The following TCAP variants were observed in gnomAD, a reference collection of about 807,000 sequenced individuals.
The protein encoded by TCAP is titin-cap, also known as telethonin.
TCAP carries 14 observed loss-of-function variants against 16.6 expected under a neutral mutation model. The observed-to-expected ratio is 0.84, with a 90% CI of 0.56 to 1.32. The LOEUF (loss-of-function observed/expected upper bound fraction) is 1.32, where lower values mean the gene tolerates loss of function less well. Among genes scored for constraint, TCAP ranks in the 40% most tolerant of loss-of-function variants. The pLI, the probability that TCAP is intolerant of heterozygous loss-of-function variation, is 0.00. For missense variants in TCAP, 212 were observed against 223.5 expected, an observed-to-expected ratio of 0.95 and a Z score of 0.33; for synonymous variants, 97 against 93.2, an observed-to-expected ratio of 1.04 and a Z score of -0.23.
rs1336053922 is a variant in TCAP, at chr17:39,666,423, TGA to T, written c.*316_*317del. 4.2e-6 allele frequency: 2 copies of T among 480,640 alleles called. No individual in the cohort carries two copies. The highest frequency in any genetic ancestry group is 7.7e-6 in the Non-Finnish European group (2 of 261,158). 29.8% of individuals were successfully genotyped at this position (480,640 alleles called of 1,614,324 possible). ...GGAGTGGCCCTGATCCAGGAAAATGTGAGGGGAATCTGGAACGCTCTAGGCAG... is the reference window on the plus strand; with the variant it reads ...GGAGTGGCCCTGATCCAGGAAAATGTGGGGAATCTGGAACGCTCTAGGCAG... On this transcript the variant is annotated 3_prime_UTR_variant, in exon 2 of 2. Transcript: ENST00000309889.
Position 39,665,849 on chromosome 17 carries a change from C to T in TCAP, c.244C>T (p.Gln82Ter). ...CCTCGGCCGTGGGCTGCAGGAGTAC[C>T]AGCTGCCCTACCAGCGGGTACTGCC... The part of the protein sequence containing the change: ...GILGRGLQEY[Q>*]LPYQRVLPLP... The change falls in exon 2 of 2, where the codon CAG (glutamine) becomes TAG (stop). Residue 82 changes from glutamine to a stop codon, truncating the protein, a stop_gained. Coordinates refer to ENST00000309889, the MANE Select transcript of TCAP (RefSeq NM_003673.4). LOFTEE classifies it high-confidence loss of function. 6.2e-7 allele frequency: 1 copy of T among 1,610,148 alleles called. No individual in the cohort carries two copies. Among genetic ancestry groups the T allele is most frequent in the South Asian group, 1.1e-5 (1 of 90,718 alleles).
rs778568339 is a variant in TCAP at position 39,665,382 on chromosome 17, G to GCGAGGTGT, written c.26_33dup (p.Glu12ArgfsTer20). On this transcript the variant is annotated frameshift_variant, in exon 1 of 2. Transcript: ENST00000309889. LOFTEE classifies it high-confidence loss of function. ...ATCATGGCTACCTCAGAGCTGAGCTGCGAGGTGTCGGAGGAGAACTGTGAG... is the reference window on the plus strand; with the variant it reads ...ATCATGGCTACCTCAGAGCTGAGCTGCGAGGTGTCGAGGTGTCGGAGGAGAACTGTGAG... The GCGAGGTGT allele has an allele frequency of 1.4e-5, 22 of 1,613,626 alleles. No individual in the cohort carries two copies. The East Asian group carries it at 4.0e-4, about 29-fold the overall frequency.
Position 39,665,863 on chromosome 17 carries a change from G to A in TCAP, c.258G>A (p.Gln86=). ...RGLQEYQLPY[Q]RVLPLPIFTP... ...TGCAGGAGTACCAGCTGCCCTACCA[G>A]CGGGTACTGCCGCTGCCCATCTTCA... The change falls in exon 2 of 2, where the codon CAG becomes CAA. Residue 86 remains glutamine, a synonymous_variant. Transcript: ENST00000309889. The A allele has an allele frequency of 1.2e-6, 2 of 1,610,964 alleles. No individual in the cohort carries two copies. Among genetic ancestry groups the A allele is most frequent in the Non-Finnish European group, 1.7e-6 (2 of 1,179,194 alleles).
intron 1 of TCAP, 21 bp downstream of exon 1, chr17:39,665,490 G>A: frequency 1.9e-6 from 3 of 1,602,968 alleles, no homozygotes; most frequent in South Asian, 1.1e-5. Flanking sequence ...GTCTGCTAGA[G>A]CCCTGCCTCT....
In TCAP at chr17:39,665,474, G is replaced by C. The variant is rs794729178; in HGVS notation, c.110+5G>C. 3 of 1,612,052 alleles carry C rather than the reference G, an allele frequency of 1.9e-6. No individual in the cohort carries two copies. The highest frequency in any genetic ancestry group is 1.7e-6 in the Non-Finnish European group (2 of 1,178,968). ...GTCCACACGGCCCGAGGAGGGGTGA[G>C]TGTGGGTCTGCTAGAGCCCTGCCTC... On this transcript the variant is annotated splice_donor_5th_base_variant and intron_variant, in intron 1 of 1. Transcript: ENST00000309889.
rs2057255721 is a variant in TCAP at position 39,666,284 on chromosome 17, G to A, written c.*175G>A. The A allele has an allele frequency of 1.2e-6, 1 of 847,646 alleles. No homozygotes were observed. Among genetic ancestry groups the A allele is most frequent in the Admixed American group, 2.1e-5 (1 of 46,514 alleles). The allele number at this position is 847,646 out of a possible 1,614,324, so 52.5% of individuals were successfully genotyped here. On this transcript the variant is annotated 3_prime_UTR_variant, in exon 2 of 2. Coordinates refer to ENST00000309889, the MANE Select transcript of TCAP (RefSeq NM_003673.4). ...GAGCCCCCTGAGTTCCCAAAGGGAG[G>A]GTGGCAGAGACAGTGGGCACTAAGG...
rs1030365866 is a variant in TCAP at position 39,666,439 on chromosome 17, C to G, written c.*330C>G. On this transcript the variant is annotated 3_prime_UTR_variant, in exon 2 of 2. Coordinates refer to ENST00000309889, the MANE Select transcript of TCAP (RefSeq NM_003673.4). ...AGGAAAATGTGAGGGGAATCTGGAA[C>G]GCTCTAGGCAGAAGAAGCTGGGAGG... 1.4e-5 allele frequency: 6 copies of G among 429,606 alleles called. No homozygotes were observed. Among genetic ancestry groups the G allele is most frequent in the African/African-American group, 9.9e-5 (5 of 50,714 alleles). The allele number at this position is 429,606 out of a possible 1,614,324, so 26.6% of individuals were successfully genotyped here. A position where few individuals can be genotyped will look rare whatever the true frequency, so the allele number is the denominator to read the frequency against.
rs886043427 is a variant in TCAP at position 39,665,723 on chromosome 17, C to G, written c.118C>G (p.Leu40Val). The G allele has an allele frequency of 1.2e-6, 2 of 1,610,210 alleles. No homozygotes were observed. The highest frequency in any genetic ancestry group is 2.2e-5 in the East Asian group (1 of 44,820). ...CCCCTCCCCTCTCCCCAGCTGCTCC[C>G]TGCATGAGGAGGACACCCAGAGACA... is the stretch of plus-strand genomic sequence containing the variant. ...LSTRPEEGCS[L>V]HEEDTQRHET... is the part of the protein sequence containing the mutation. Residue 40 changes from leucine (L) to valine (V), a missense_variant, in exon 2 of 2, where the codon CTG becomes GTG. Physicochemically the swap from Leu to Val is conservative, Grantham distance 32. Coordinates refer to ENST00000309889, the MANE Select transcript of TCAP (RefSeq NM_003673.4).
rs1459080249 is a variant in TCAP, at chr17:39,666,134, T to C, written c.*25T>C. 6.3e-7 allele frequency: 1 copy of C among 1,598,470 alleles called. No individual in the cohort carries two copies. Among genetic ancestry groups the C allele is most frequent in the African/African-American group, 1.3e-5 (1 of 74,888 alleles). On this transcript the variant is annotated 3_prime_UTR_variant, in exon 2 of 2. Transcript: ENST00000309889. ...AGAGGGACTGTGACTTGGGCTCCGC[T>C]GTGCCCGCCCTGGGCTGGGCCCTTC...
At position 39,665,749 on chromosome 17, in the gene TCAP, T is replaced by A; in HGVS notation, c.144T>A (p.His48Gln). 1.2e-6 allele frequency: 2 copies of A among 1,610,944 alleles called. No individual in the cohort carries two copies. Among genetic ancestry groups the A allele is most frequent in the Non-Finnish European group, 1.7e-6 (2 of 1,179,132 alleles). Residue 48 changes from histidine (H) to glutamine (Q), a missense_variant, in exon 2 of 2, where the codon CAT (histidine) becomes CAA (glutamine). By Grantham distance (24) the His-to-Gln change is conservative. Coordinates refer to ENST00000309889, the MANE Select transcript of TCAP (RefSeq NM_003673.4). ...CSLHEEDTQRHETYHQQGQCQ... is the reference protein window; with the variant it reads ...CSLHEEDTQRQETYHQQGQCQ... ...TGCATGAGGAGGACACCCAGAGACA[T>A]GAGACCTACCACCAGCAGGGGCAGT...
In TCAP at chr17:39,666,421, T is replaced by G. The variant is rs981666306; in HGVS notation, c.*312T>G. ...GAGGAGTGGCCCTGATCCAGGAAAA[T>G]GTGAGGGGAATCTGGAACGCTCTAG... On this transcript the variant is annotated 3_prime_UTR_variant, in exon 2 of 2. Transcript: ENST00000309889. 1.7e-5 allele frequency: 8 copies of G among 480,634 alleles called. No homozygotes were observed. Among genetic ancestry groups the G allele is most frequent in the African/African-American group, 1.4e-4 (7 of 51,224 alleles). The allele number at this position is 480,634 out of a possible 1,614,324, so 29.8% of individuals were successfully genotyped here.
rs1441253898 is a variant in TCAP, at chr17:39,666,338, G to C, written c.*229G>C. Reference sequence around the variant, plus strand: ...GAGAGTTGGGGGCCAGCACAGCTGAGGACCCTCAGCCCCAGGAGAAGGGAC... The same window carrying C: ...GAGAGTTGGGGGCCAGCACAGCTGACGACCCTCAGCCCCAGGAGAAGGGAC... On this transcript the variant is annotated 3_prime_UTR_variant, in exon 2 of 2. Transcript: ENST00000309889. 1.6e-6 allele frequency: 1 copy of C among 620,198 alleles called. No homozygotes were observed. The highest frequency in any genetic ancestry group is 2.8e-6 in the Non-Finnish European group (1 of 351,838). 38.4% of individuals were successfully genotyped at this position (620,198 alleles called of 1,614,324 possible). A position where few individuals can be genotyped will look rare whatever the true frequency, so the allele number is the denominator to read the frequency against.
Position 39,666,176 on chromosome 17 carries a change from A to T in TCAP, c.*67A>T. On this transcript the variant is annotated 3_prime_UTR_variant, in exon 2 of 2. Transcript: ENST00000309889. Reference sequence around the variant, plus strand: ...GGGCCCTTCCTGGCTAGGACTGTGGAGGGGAGCTGCTGGCCATGGCTGCTT... The same window carrying T: ...GGGCCCTTCCTGGCTAGGACTGTGGTGGGGAGCTGCTGGCCATGGCTGCTT... 2 of 1,564,782 alleles carry T rather than the reference A, an allele frequency of 1.3e-6. No homozygotes were observed. Among genetic ancestry groups the T allele is most frequent in the Non-Finnish European group, 1.7e-6 (2 of 1,151,764 alleles).
chr17:39,665,678 C>G (rs1567864969), intron 1 of TCAP, 38 bp from the exon 2 acceptor site: 3 of 1,590,394 alleles, frequency 1.9e-6, no homozygotes. Flanking sequence ...CAGAGAGCAA[C>G]AGCTCCCAGG....
chr17:39,665,646 A>G, intron 1 of TCAP, 70 bp from the exon 2 acceptor site: 2 of 1,526,346 alleles, frequency 1.3e-6, no homozygotes, highest in Non-Finnish European at 8.9e-7. Context: ...AGCCCAGGGG[A>G]GCCCCCCACC....
rs770194856 is a variant in TCAP at position 39,665,936 on chromosome 17, A to AT, written c.332dup (p.Gln112ProfsTer24). Reference sequence around the variant, plus strand: ...CAAGGAGGAGCGTGAGGACACCCCCATCCAGCTTCAGGAGCTGCTGGCGCT... The same window carrying AT: ...CAAGGAGGAGCGTGAGGACACCCCCATTCCAGCTTCAGGAGCTGCTGGCGCT... On this transcript the variant is annotated frameshift_variant, in exon 2 of 2. Coordinates refer to ENST00000309889, the MANE Select transcript of TCAP (RefSeq NM_003673.4). LOFTEE classifies it high-confidence loss of function. The AT allele has an allele frequency of 6.2e-7, 1 of 1,612,850 alleles. No homozygotes were observed. The highest frequency in any genetic ancestry group is 1.3e-5 in the African/African-American group (1 of 74,900).
rs45506294 is a variant in TCAP at position 39,666,185 on chromosome 17, G to T, written c.*76G>T. On this transcript the variant is annotated 3_prime_UTR_variant, in exon 2 of 2. Coordinates refer to ENST00000309889, the MANE Select transcript of TCAP (RefSeq NM_003673.4). ...CTGGCTAGGACTGTGGAGGGGAGCT[G>T]CTGGCCATGGCTGCTTTGTAGTTTG... is the stretch of plus-strand genomic sequence containing the variant. 3,196 of 1,572,434 alleles carry T rather than the reference G, an allele frequency of 2.0e-3. 15 individuals carry two copies. The highest frequency in any genetic ancestry group is 2.1e-3 in the Admixed American group (123 of 59,112).
chr17:39,665,573 G>A, intron 1 of TCAP, 104 bp downstream of exon 1: 1 of 1,429,176 alleles, frequency 7.0e-7, no homozygotes, highest in Non-Finnish European at 9.7e-7. Context: ...GGGGGTGGGG[G>A]CAGGAAGAAT....
chr17:39,665,456 C>T lies in TCAP; in HGVS notation c.97C>T (p.Arg33Trp), dbSNP rs145524909. Residue 33 changes from arginine to tryptophan, a missense_variant, in exon 1 of 2, where the codon CGG becomes TGG. Transcript: ENST00000309889. ...ATGGAAGGATCTGACACTGTCCACA[C>T]GGCCCGAGGAGGGGTGAGTGTGGGT... ...AEWKDLTLST[R>W]PEEGCSLHEE... The T allele has an allele frequency of 8.1e-5, 130 of 1,613,194 alleles. No individual in the cohort carries two copies. The highest frequency in any genetic ancestry group is 3.0e-4 in the Admixed American group (18 of 59,998).
Sources: gnomAD v4.1 joint callset for allele counts on GRCh38, gnomAD v4.1.1 for gene constraint, MANE v1.5 for transcripts, NCBI Gene and HGNC (gene_info 2026-07-23, HGNC 2026-07-21) for gene names.